The following GABBR2 variants were observed in gnomAD, a reference collection of about 807,000 sequenced individuals.
The protein encoded by GABBR2 is gamma-aminobutyric acid type B receptor subunit 2.
In GABBR2, 23 loss-of-function variants were observed where a neutral mutation model predicts 105.6. That is an observed-to-expected ratio of 0.22 (90% CI 0.16 to 0.31). The LOEUF (loss-of-function observed/expected upper bound fraction) is 0.31. Among genes scored for constraint, GABBR2 ranks in the 10% least tolerant of loss-of-function variants. GABBR2 has a pLI of 1.00. For synonymous variants in GABBR2, 478 were observed against 499.7 expected (o/e 0.96, Z 0.58); for missense variants, 734 against 1,245.5 (o/e 0.59, Z 6.18).
chr9:98,552,873 T>TTTTTTC (rs1304774533), intron 2 of GABBR2, among the ~76,000 whole-genome samples: 4 of 151,988 alleles, frequency 2.6e-5, no homozygotes, highest in Admixed American at 1.3e-4. Flanking sequence ...GGCCAGTCCT[T>TTTTTTC]TTTTTCTTTT....
intron 13 of GABBR2, among the ~76,000 whole-genome samples, chr9:98,313,297 A>G (rs1203349633): frequency 6.6e-6 from 1 of 152,108 alleles, no homozygotes; most frequent in Non-Finnish European, 1.5e-5. Context: ...TGTTCTTTTT[A>G]GTGGAGAATG....
rs1294874718 is a variant in GABBR2 at position 98,547,808 on chromosome 9, G to A, written c.460-5765C>T. 1.6e-5 allele frequency among the ~76,000 whole-genome samples: 2 copies of A among 122,476 alleles called. 1 individual carries two copies. Among genetic ancestry groups the A allele is most frequent in the African/African-American group, 5.2e-5 (2 of 38,210 alleles). The allele number at this position is 122,476 out of a possible 152,430, so 80.3% of individuals were successfully genotyped here. On this transcript the variant is annotated intron_variant, in intron 2 of 18. Transcript: ENST00000259455. ...GCTTTGCCTGGAATGTGGCTGAGTG[G>A]TGATACATAGACATGTTAGCTATTC...
At position 98,373,851 on chromosome 9, in the gene GABBR2, C is replaced by CTTTTTT. The variant is rs577915397; in HGVS notation, c.1663-2286_1663-2281dup. ...TGTCACTCCAGTGTGCAAAGCATTC[C>CTTTTTT]TTTTTTTTTTTTTTTTTTTTTTTTG... On this transcript the variant is annotated intron_variant, in intron 11 of 18. Transcript: ENST00000259455. 6.2e-3 allele frequency among the ~76,000 whole-genome samples: 534 copies of CTTTTTT among 86,666 alleles called. 28 individuals carry two copies. The highest frequency in any genetic ancestry group is 0.023 in the African/African-American group (477 of 20,360). The allele number at this position is 86,666 out of a possible 152,430, so 56.9% of individuals were successfully genotyped here. A position where few individuals can be genotyped will look rare whatever the true frequency, so the allele number is the denominator to read the frequency against.
At chr9:98,414,994 T>C (rs955002354) in intron 7 of GABBR2, among the ~76,000 whole-genome samples, 1 of 152,182 alleles carries the variant, frequency 6.6e-6, no homozygotes, top group Non-Finnish European at 1.5e-5. Context: ...AATAAAATTT[T>C]ACTGTGTTAG....
At chr9:98,292,133 A>G (rs1830311830) in intron 18 of GABBR2, among the ~76,000 whole-genome samples, 1 of 152,188 alleles carries the variant, frequency 6.6e-6, no homozygotes, top group Non-Finnish European at 1.5e-5. Context: ...CATGGGTGCA[A>G]CTTTCACACC....
At chr9:98,435,000 G>A (rs112542990) in intron 7 of GABBR2, among the ~76,000 whole-genome samples, 174 of 151,964 alleles carry the variant, frequency 1.1e-3, no homozygotes, top group Admixed American at 1.8e-3. Flanking sequence ...GCTGGAGTGG[G>A]TTCTGCCCAT....
At chr9:98,688,940 T>A (rs577874988) in intron 1 of GABBR2, among the ~76,000 whole-genome samples, 7 of 152,312 alleles carry the variant, frequency 4.6e-5, no homozygotes, top group African/African-American at 1.4e-4. Flanking sequence ...CAGATATTGA[T>A]GTTGCCCAAC....
At chr9:98,632,994 G>A (rs1005288127) in intron 1 of GABBR2, among the ~76,000 whole-genome samples, 4 of 152,196 alleles carry the variant, frequency 2.6e-5, no homozygotes, top group Non-Finnish European at 5.9e-5. Context: ...AGCTAGTGGT[G>A]TGCTGGTAAA....
intron 1 of GABBR2, among the ~76,000 whole-genome samples, chr9:98,683,514 G>A (rs1830576748): frequency 6.6e-6 from 1 of 152,170 alleles, no homozygotes; most frequent in African/African-American, 2.4e-5. Flanking sequence ...AAAGCCCATA[G>A]TAAGCTCTCT....
chr9:98,320,729 C>T (rs1287678023), intron 13 of GABBR2, among the ~76,000 whole-genome samples: 1 of 148,624 alleles, frequency 6.7e-6, no homozygotes, highest in African/African-American at 2.5e-5. Flanking sequence ...ATCGCAAGAA[C>T]AAAAAACCAA....
intron 1 of GABBR2, among the ~76,000 whole-genome samples, chr9:98,594,770 T>C (rs984552663): frequency 2.0e-5 from 3 of 152,212 alleles, no homozygotes; most frequent in Non-Finnish European, 4.4e-5. Flanking sequence ...ACAAGCCTGG[T>C]CCTCCCTTTG....
At chr9:98,307,262 A>G (rs949336410) in intron 14 of GABBR2, among the ~76,000 whole-genome samples, 1 of 152,170 alleles carries the variant, frequency 6.6e-6, no homozygotes, top group Non-Finnish European at 1.5e-5. Flanking sequence ...TGGACAGGGT[A>G]GAGGCCAACT....
At chr9:98,561,798 C>T (rs1355930645) in intron 2 of GABBR2, among the ~76,000 whole-genome samples, 1 of 152,160 alleles carries the variant, frequency 6.6e-6, no homozygotes, top group African/African-American at 2.4e-5. Context: ...GCAGGAGGAT[C>T]CCTTGAGCGC....
chr9:98,591,206 A>G (rs1263500149), intron 1 of GABBR2, among the ~76,000 whole-genome samples: 1 of 152,180 alleles, frequency 6.6e-6, no homozygotes, highest in African/African-American at 2.4e-5. Flanking sequence ...CGAGAGGAAC[A>G]AGAGACTGAG....
chr9:98,499,499 G>A (rs1448367187), intron 3 of GABBR2, among the ~76,000 whole-genome samples: 1 of 152,216 alleles, frequency 6.6e-6, no homozygotes, highest in Non-Finnish European at 1.5e-5. Flanking sequence ...GCACCAAGGA[G>A]TCTATGCTCA....
chr9:98,441,242 A>T (rs542712024), intron 7 of GABBR2, among the ~76,000 whole-genome samples: 79 of 152,340 alleles, frequency 5.2e-4, no homozygotes, highest in African/African-American at 1.8e-3. Flanking sequence ...AAAAATACTT[A>T]AAAAATAAAT....
intron 1 of GABBR2, among the ~76,000 whole-genome samples, chr9:98,698,860 C>T (rs572534363): frequency 7.9e-5 from 12 of 152,236 alleles, no homozygotes; most frequent in African/African-American, 1.7e-4. Flanking sequence ...ATCAGGGAGA[C>T]GGTCCCTTTC....
At chr9:98,680,315 TA>T (rs1178305224) in intron 1 of GABBR2, among the ~76,000 whole-genome samples, 9 of 152,280 alleles carry the variant, frequency 5.9e-5, no homozygotes, top group African/African-American at 1.9e-4. Flanking sequence ...TTTATTTATT[TA>T]TTTTTTTGAG....
intron 3 of GABBR2, among the ~76,000 whole-genome samples, chr9:98,526,753 T>C (rs1827969952): frequency 1.3e-5 from 2 of 152,122 alleles, no homozygotes; most frequent in African/African-American, 4.8e-5. Context: ...ACCAAATGGG[T>C]ACAAGGAAAC....
Sources: gnomAD v4.1 joint callset for allele counts (sites outside exome capture counted in the v4.1 genomes callset) on GRCh38, gnomAD v4.1.1 for gene constraint, MANE v1.5 for transcripts, NCBI Gene and HGNC (gene_info 2026-07-23, HGNC 2026-07-21) for gene names.